SLC10A1: variants seen among roughly 807,000 people sequenced by gnomAD.
The protein encoded by SLC10A1 is hepatic sodium/bile acid cotransporter.
Under a neutral mutation model 20.5 loss-of-function variants are expected in SLC10A1, and 36 were observed. The ratio of observed to expected loss-of-function variants is 1.75; its 90% confidence interval spans 1.34 to 2.32. SLC10A1 has a LOEUF of 2.32. SLC10A1 is among the 30% of genes most tolerant of loss of function. The probability of loss-of-function intolerance (pLI) is 0.00; values close to 1 mark genes in which losing one functional copy is unlikely to be tolerated. For missense variants in SLC10A1, 545 were observed against 439.1 expected, an observed-to-expected ratio of 1.24 and a Z score of -2.16; for synonymous variants, 188 against 163.6, an observed-to-expected ratio of 1.15 and a Z score of -1.14.
intron 2 of SLC10A1, among the ~76,000 whole-genome samples, chr14:69,779,590 C>A (rs562780449): frequency 7.9e-5 from 12 of 152,300 alleles, no homozygotes; most frequent in African/African-American, 2.9e-4. Flanking sequence ...GGTCTTACTC[C>A]TGGACTCTTA....
intron 1 of SLC10A1, among the ~76,000 whole-genome samples, chr14:69,791,791 C>T (rs34966619): frequency 0.012 from 1,784 of 152,268 alleles, 13 homozygotes; most frequent in Non-Finnish European, 0.019. Flanking sequence ...ATTCACTCAA[C>T]GTGGCTTGGA....
intron 1 of SLC10A1, among the ~76,000 whole-genome samples, chr14:69,786,920 G>A (rs1350764560): frequency 1.3e-5 from 2 of 152,156 alleles, no homozygotes; most frequent in Non-Finnish European, 2.9e-5. Flanking sequence ...GTGATGCTCA[G>A]GCAGAAGTCA....
At chr14:69,794,964 C>G (rs1006542553) in intron 1 of SLC10A1, among the ~76,000 whole-genome samples, 2 of 152,210 alleles carry the variant, frequency 1.3e-5, no homozygotes, top group African/African-American at 4.8e-5. Context: ...CATCTGGCCA[C>G]TCACACTTAA....
intron 2 of SLC10A1, among the ~76,000 whole-genome samples, chr14:69,785,653 G>A (rs922659290): frequency 2.0e-5 from 3 of 149,464 alleles, no homozygotes; most frequent in Admixed American, 6.7e-5. Flanking sequence ...CGGGAGTGCA[G>A]TGGCGCGATC....
In SLC10A1 at chr14:69,778,438, CA is replaced by C; in HGVS notation, c.837del (p.Ile279MetfsTer12). ...AGGAGGGGAAAGAAGAAAAGTGGTCCAATGACTTCAGGTGGAAAGGCCACAT... is the reference window on the plus strand; with the variant it reads ...AGGAGGGGAAAGAAGAAAAGTGGTCCATGACTTCAGGTGGAAAGGCCACAT... ...ILNVAFPPEVIGPLFFFPLLY... is the reference protein window; with the variant it reads ...ILNVAFPPEVXGPLFFFPLLY... On this transcript the variant is annotated frameshift_variant, in exon 4 of 5. Transcript: ENST00000216540. LOFTEE classifies it high-confidence loss of function. 1.2e-6 allele frequency: 2 copies of C among 1,614,040 alleles called. No individual in the cohort carries two copies. The highest frequency in any genetic ancestry group is 1.7e-6 in the Non-Finnish European group (2 of 1,179,972).
chr14:69,796,702 A>C (rs1484446612), intron 1 of SLC10A1, 98 bp downstream of exon 1: 3 of 1,013,352 alleles, frequency 3.0e-6, no homozygotes, highest in Non-Finnish European at 2.9e-6. Flanking sequence ...GCCTGCATTC[A>C]CTCCTTTTCC....
At chr14:69,777,487 A>T (rs1883472072) in intron 4 of SLC10A1, among the ~76,000 whole-genome samples, 1 of 151,570 alleles carries the variant, frequency 6.6e-6, no homozygotes, top group African/African-American at 2.4e-5. Flanking sequence ...ACATGAAGGG[A>T]CAGTTGAAGG....
intron 4 of SLC10A1, among the ~76,000 whole-genome samples, chr14:69,777,782 T>C (rs1883484582): frequency 6.6e-6 from 1 of 152,058 alleles, no homozygotes; most frequent in Non-Finnish European, 1.5e-5. Context: ...AGGTAGTTAC[T>C]GTTTAACAAC....
chr14:69,792,379 T>C (rs1299992081), intron 1 of SLC10A1, among the ~76,000 whole-genome samples: 1 of 151,846 alleles, frequency 6.6e-6, no homozygotes, highest in Non-Finnish European at 1.5e-5. Context: ...CAAACCACAA[T>C]CCCATAGAAA....
intron 1 of SLC10A1, among the ~76,000 whole-genome samples, chr14:69,789,688 A>G (rs1016246117): frequency 1.3e-5 from 2 of 152,224 alleles, no homozygotes; most frequent in Non-Finnish European, 2.9e-5. Flanking sequence ...ATTTTATGGT[A>G]TGTGAATTAT....
chr14:69,782,642 C>A (rs1018268191), intron 2 of SLC10A1, among the ~76,000 whole-genome samples: 1 of 152,050 alleles, frequency 6.6e-6, no homozygotes, highest in Non-Finnish European at 1.5e-5. Context: ...CCCGTCTTTA[C>A]TAAAAAATAC....
chr14:69,777,378 T>C (rs1396427257), intron 4 of SLC10A1, among the ~76,000 whole-genome samples: 1 of 152,138 alleles, frequency 6.6e-6, no homozygotes, highest in South Asian at 2.1e-4. Flanking sequence ...GCTAGTATAA[T>C]GTAACAAATT....
rs138735569 is a variant in SLC10A1, at chr14:69,788,862, T to C, written c.357-2555A>G. Among the ~76,000 whole-genome samples, 63 of 152,308 alleles carry C rather than the reference T, an allele frequency of 4.1e-4. 2 individuals carry two copies. The East Asian group carries it at 0.012, about 29-fold the overall frequency. On this transcript the variant is annotated intron_variant, in intron 1 of 4. Transcript: ENST00000216540. ...CGCCCGGCCAATATATGAAGAACTC[T>C]TATAATGCAATAATAAAAAACAAGT...
intron 1 of SLC10A1, among the ~76,000 whole-genome samples, chr14:69,793,833 TACTC>T (rs1306531887): frequency 6.6e-6 from 1 of 152,226 alleles, no homozygotes; most frequent in Non-Finnish European, 1.5e-5. Context: ...TGACAAGCCA[TACTC>T]ACTTCAACTG....
chr14:69,778,052 C>T (rs550359344), intron 4 of SLC10A1, among the ~76,000 whole-genome samples: 6 of 152,246 alleles, frequency 3.9e-5, no homozygotes, highest in African/African-American at 1.2e-4. Flanking sequence ...CCTATGATGT[C>T]TCCCCACTGA....
chr14:69,791,836 C>T (rs1037179378), intron 1 of SLC10A1, among the ~76,000 whole-genome samples: 1 of 152,150 alleles, frequency 6.6e-6, no homozygotes, highest in Admixed American at 6.5e-5. Context: ...AAAATTAGTT[C>T]ATGCCATACA....
chr14:69,792,345 AG>A (rs1882291789), intron 1 of SLC10A1, among the ~76,000 whole-genome samples: 1 of 152,214 alleles, frequency 6.6e-6, no homozygotes. Flanking sequence ...CAATAACTTT[AG>A]AAATTAATTT....
intron 1 of SLC10A1, among the ~76,000 whole-genome samples, chr14:69,789,847 A>G (rs569444267): frequency 5.3e-5 from 8 of 152,212 alleles, no homozygotes; most frequent in African/African-American, 1.9e-4. Flanking sequence ...GAAAAACCCA[A>G]TAAAAAGAAA....
At chr14:69,776,673 G>A (rs377090923) in intron 4 of SLC10A1, among the ~76,000 whole-genome samples, 8 of 152,200 alleles carry the variant, frequency 5.3e-5, no homozygotes, top group East Asian at 3.9e-4. Context: ...CAGGAGATGA[G>A]TTTATGTATG....
Sources: gnomAD v4.1 joint callset for allele counts (sites outside exome capture counted in the v4.1 genomes callset) on GRCh38, gnomAD v4.1.1 for gene constraint, MANE v1.5 for transcripts, NCBI Gene and HGNC (gene_info 2026-07-23, HGNC 2026-07-21) for gene names.